The following TCERG1L variants were observed in gnomAD, a reference collection of about 807,000 sequenced individuals.
The protein encoded by TCERG1L is transcription elongation regulator 1-like protein.
In TCERG1L, 37 loss-of-function variants were observed where a neutral mutation model predicts 56.3. The ratio of observed to expected loss-of-function variants is 0.66; its 90% CI spans 0.51 to 0.87. TCERG1L has a LOEUF of 0.87. Ranked by LOEUF, TCERG1L falls within the 40% of genes least tolerant of loss-of-function variation. TCERG1L has a pLI of 0.00. For missense variants in TCERG1L, 799 were observed against 774.2 expected (o/e 1.03, Z -0.38); for synonymous variants, 324 against 326.3 (o/e 0.99, Z 0.08).
Position 131,308,254 on chromosome 10 carries a change from G to A in TCERG1L, c.627C>T (p.Ser209=), listed in dbSNP as rs1372583614. 2 of 1,613,954 alleles carry A rather than the reference G, an allele frequency of 1.2e-6. No homozygotes were observed. Among genetic ancestry groups the A allele is most frequent in the South Asian group, 1.1e-5 (1 of 91,052 alleles). ...AVSLSRPAPA[S]RPLPTVVLAP... ...CTAACACCACCGTGGGGAGCGGCCT[G>A]GAGGCAGGAGCCGGCCTGGACAGAG... is the stretch of plus-strand genomic sequence containing the variant. Residue 209 remains serine (S), a synonymous_variant, in exon 3 of 12, where the codon TCC becomes TCT. Coordinates refer to ENST00000368642, the MANE Select transcript of TCERG1L (RefSeq NM_174937.4).
chr10:131,154,834 C>A (rs1026582475), intron 6 of TCERG1L, among the ~76,000 whole-genome samples: 5 of 152,248 alleles, frequency 3.3e-5, no homozygotes, highest in Middle Eastern at 3.2e-3. Flanking sequence ...GTGCAACAGG[C>A]GTGCTGTGCT....
intron 3 of TCERG1L, among the ~76,000 whole-genome samples, chr10:131,289,360 C>T (rs1047114685): frequency 2.0e-5 from 3 of 151,948 alleles, no homozygotes; most frequent in African/African-American, 7.3e-5. Context: ...TCATTAAATA[C>T]GAAAAATAAA....
chr10:131,308,334 T>C lies in TCERG1L; in HGVS notation c.547A>G (p.Arg183Gly). 2.5e-6 allele frequency: 4 copies of C among 1,613,970 alleles called. No individual in the cohort carries two copies. Among genetic ancestry groups the C allele is most frequent in the Admixed American group, 3.3e-5 (2 of 60,012 alleles). The change falls in exon 3 of 12, where the codon AGG becomes GGG. Residue 183 changes from arginine (R) to glycine (G), a missense_variant. By Grantham distance (125) the Arg-to-Gly change is moderately radical (BLOSUM62 -2). Coordinates refer to ENST00000368642, the MANE Select transcript of TCERG1L (RefSeq NM_174937.4). The stretch of plus-strand genomic sequence containing the variant: ...GGCTTTTCATGCCCATGGAAAAACC[T>C]TGACTCCTCAGGATGTATCCACGTT... The part of the protein sequence containing the change: ...DSTWIHPEES[R>G]FFHGHEKPRL...
chr10:131,104,470 A>G (rs1459453214), intron 9 of TCERG1L, 116 bp from the exon 10 acceptor site: 2 of 680,052 alleles, frequency 2.9e-6, no homozygotes, highest in African/African-American at 1.8e-5. Context: ...TTAAAGTACA[A>G]TAGATTCCGT....
rs566639183 is a variant in TCERG1L at position 131,255,933 on chromosome 10, A to G, written c.856+4326T>C. 6.0e-4 allele frequency among the ~76,000 whole-genome samples: 92 copies of G among 152,340 alleles called. 1 individual carries two copies. The South Asian group carries it at 8.9e-3, about 15-fold the overall frequency. ...CATTCTCAGTAAGAATTCACTTATC[A>G]TGCGTAACAAACTATACAAAAGGGG... On this transcript the variant is annotated intron_variant, in intron 4 of 11. Coordinates refer to ENST00000368642, the MANE Select transcript of TCERG1L (RefSeq NM_174937.4).
At chr10:131,140,239 C>T (rs1845720775) in intron 7 of TCERG1L, among the ~76,000 whole-genome samples, 1 of 152,088 alleles carries the variant, frequency 6.6e-6, no homozygotes, top group African/African-American at 2.4e-5. Flanking sequence ...TGGACCCAGC[C>T]CCTGCACAGC....
chr10:131,189,422 A>G (rs1191532292), intron 4 of TCERG1L, among the ~76,000 whole-genome samples: 1 of 152,162 alleles, frequency 6.6e-6, no homozygotes, highest in African/African-American at 2.4e-5. Context: ...GAGTGAGAAC[A>G]TGTGGTATCT....
At chr10:131,256,992 G>GAAAGAAAGAAAGAAA (rs1846172871) in intron 4 of TCERG1L, among the ~76,000 whole-genome samples, 1 of 59,166 alleles carries the variant, frequency 1.7e-5, no homozygotes, top group African/African-American at 5.5e-5. Context: ...AAGGAAGGAA[G>GAAAGAAAGAAAGAAA]GAAAGAAAGA....
At chr10:131,247,721 C>T (rs1782734502) in intron 4 of TCERG1L, among the ~76,000 whole-genome samples, 2 of 152,184 alleles carry the variant, frequency 1.3e-5, no homozygotes, top group Admixed American at 1.3e-4. Context: ...TCAATTCACA[C>T]ATCTGGTCCA....
chr10:131,308,123 A>T, intron 3 of TCERG1L, 88 bp downstream of exon 3: 3 of 1,235,582 alleles, frequency 2.4e-6, no homozygotes, highest in Non-Finnish European at 3.3e-6. Context: ...GTTTCATTAA[A>T]ATGATGAGTA....
chr10:131,214,061 CG>C (rs1845645097), intron 4 of TCERG1L, among the ~76,000 whole-genome samples: 1 of 152,008 alleles, frequency 6.6e-6, no homozygotes, highest in Non-Finnish European at 1.5e-5. Context: ...CACACACACA[CG>C]CACAACAGTT....
intron 3 of TCERG1L, among the ~76,000 whole-genome samples, chr10:131,290,228 TGAGA>T (rs753413488): frequency 3.3e-4 from 49 of 146,534 alleles, no homozygotes; most frequent in Middle Eastern, 3.6e-3. Flanking sequence ...TCGGTGTGTG[TGAGA>T]GTGTATGTGT....
chr10:131,174,125 C>T (rs115410527), intron 4 of TCERG1L, among the ~76,000 whole-genome samples: 4,485 of 152,280 alleles, frequency 0.029, 88 homozygotes, highest in Non-Finnish European at 0.043. Flanking sequence ...AGGTGGTGGC[C>T]TTGCTCCCCT....
chr10:131,139,556 C>G (rs1359179209), intron 7 of TCERG1L, among the ~76,000 whole-genome samples: 2 of 152,192 alleles, frequency 1.3e-5, no homozygotes, highest in Non-Finnish European at 2.9e-5. Context: ...ATGTCAATCT[C>G]TAACATGTTT....
At chr10:131,157,808 C>T (rs1479130378) in intron 6 of TCERG1L, among the ~76,000 whole-genome samples, 1 of 152,200 alleles carries the variant, frequency 6.6e-6, no homozygotes, top group Non-Finnish European at 1.5e-5. Flanking sequence ...CTTTAACCTC[C>T]TTAAAATACC....
intron 3 of TCERG1L, among the ~76,000 whole-genome samples, chr10:131,265,894 C>T (rs1846280109): frequency 6.6e-6 from 1 of 152,226 alleles, no homozygotes; most frequent in Admixed American, 6.5e-5. Context: ...AAGAAGACAA[C>T]AGCAACGCTT....
chr10:131,115,322 G>A (rs1011706894), intron 9 of TCERG1L, among the ~76,000 whole-genome samples: 1 of 152,244 alleles, frequency 6.6e-6, no homozygotes, highest in Admixed American at 6.5e-5. Flanking sequence ...GACCAAGTTG[G>A]GAGAAACTAC....
At chr10:131,139,996 A>C (rs1163789106) in intron 7 of TCERG1L, among the ~76,000 whole-genome samples, 1 of 152,060 alleles carries the variant, frequency 6.6e-6, no homozygotes, top group Non-Finnish European at 1.5e-5. Context: ...AGTGGTGGGG[A>C]ATATACCTAA....
At chr10:131,280,397 C>G (rs879761077) in intron 3 of TCERG1L, among the ~76,000 whole-genome samples, 2 of 134,108 alleles carry the variant, frequency 1.5e-5, no homozygotes, top group Admixed American at 7.7e-5. Context: ...GGTCTGGAAA[C>G]GAGGGACAAC....
Sources: gnomAD v4.1 joint callset for allele counts (sites outside exome capture counted in the v4.1 genomes callset) on GRCh38, gnomAD v4.1.1 for gene constraint, MANE v1.5 for transcripts, NCBI Gene and HGNC (gene_info 2026-07-23, HGNC 2026-07-21) for gene names.